ANXA11: variants seen among roughly 807,000 people sequenced by gnomAD.
The protein encoded by ANXA11 is 56 kDa autoantigen.
ANXA11 carries 57 observed loss-of-function variants against 64.7 expected under a neutral mutation model. The ratio of observed to expected loss-of-function variants is 0.88; its 90% confidence interval spans 0.71 to 1.10. ANXA11 has a LOEUF of 1.10. Among genes scored for constraint, ANXA11 ranks in the 50% least tolerant of loss-of-function variants. The pLI is 0.00. For missense variants in ANXA11, 675 were observed against 670.7 expected (o/e 1.01, Z -0.07); for synonymous variants, 260 against 265.2 (o/e 0.98, Z 0.19).
At position 80,168,997 on chromosome 10, in the gene ANXA11, G is replaced by C. The variant is rs1180785675; in HGVS notation, c.533C>G (p.Thr178Ser). 8.4e-6 allele frequency: 13 copies of C among 1,544,610 alleles called. No homozygotes were observed. The highest frequency in any genetic ancestry group is 1.1e-5 in the Non-Finnish European group (13 of 1,151,284). The change falls in exon 5 of 16, where the codon ACT (threonine) becomes AGT (serine). Residue 178 changes from threonine to serine, a missense_variant. By Grantham distance (58) the Thr-to-Ser change is moderately conservative (BLOSUM62 1). Coordinates refer to ENST00000422982, the MANE Select transcript of ANXA11 (RefSeq NM_145868.2). The stretch of plus-strand genomic sequence containing the variant: ...GGTTGGGGGCACAGCGGGGGTGACA[G>C]TCCCAGACCCCGGGTATCCTGGGTA... Reference protein sequence around the residue: ...PSYPGYPGSGTVTPAVPPTQF... With the variant: ...PSYPGYPGSGSVTPAVPPTQF...
At chr10:80,198,865 A>T (rs190957275) in intron 1 of ANXA11, among the ~76,000 whole-genome samples, 22 of 152,312 alleles carry the variant, frequency 1.4e-4, no homozygotes, top group African/African-American at 5.3e-4. Context: ...AACAGCAAAA[A>T]TCAGGAAAGG....
At chr10:80,179,881 T>C (rs1217968273) in intron 1 of ANXA11, among the ~76,000 whole-genome samples, 1 of 152,220 alleles carries the variant, frequency 6.6e-6, no homozygotes, top group Non-Finnish European at 1.5e-5. Context: ...ATAAGCCCTA[T>C]GCCTTGTTCG....
rs1840520551 is a variant in ANXA11, at chr10:80,203,324, CCTT to C, written c.-58+2016_-58+2018del. Among the ~76,000 whole-genome samples, 3 of 152,122 alleles carry C rather than the reference CCTT, an allele frequency of 2.0e-5. No individual in the cohort carries two copies. The South Asian group carries it at 6.2e-4, about 32-fold the overall frequency. ...ACTAGGCATCACTAATCGATCCTGG[CCTT>C]CTAGACACATCCACCCAGGGTGGGC... is the stretch of plus-strand genomic sequence containing the variant. On this transcript the variant is annotated intron_variant, in intron 1 of 15. Coordinates refer to ENST00000422982, the MANE Select transcript of ANXA11 (RefSeq NM_145868.2).
Position 80,169,229 on chromosome 10 carries a change from G to A in ANXA11, c.301C>T (p.Pro101Ser), listed in dbSNP as rs1272897275. Residue 101 changes from proline to serine, a missense_variant, in exon 5 of 16, where the codon CCT (proline) becomes TCT (serine). Pro to Ser is a moderately conservative substitution (Grantham distance 74). Coordinates refer to ENST00000422982, the MANE Select transcript of ANXA11 (RefSeq NM_145868.2). ...GQPPSAQQPV[P>S]PYGMYPPPGG... ...GGGGGTGGATACATCCCATAGGGAG[G>A]AACAGGCTGCTGGGCAGAGGGGGGC... The A allele has an allele frequency of 3.7e-6, 6 of 1,612,108 alleles. No homozygotes were observed. Among genetic ancestry groups the A allele is most frequent in the Middle Eastern group, 1.7e-4 (1 of 5,856 alleles).
chr10:80,203,865 CAGG>C (rs1304796054), intron 1 of ANXA11, among the ~76,000 whole-genome samples: 2 of 152,228 alleles, frequency 1.3e-5, no homozygotes, highest in Non-Finnish European at 2.9e-5. Context: ...AAAGACGGTT[CAGG>C]AGAAGTGCAT....
intron 1 of ANXA11, among the ~76,000 whole-genome samples, chr10:80,192,406 A>G (rs1172858123): frequency 6.6e-6 from 1 of 152,224 alleles, no homozygotes; most frequent in Non-Finnish European, 1.5e-5. Context: ...AAGAAAAGGA[A>G]CCAAAGAAAC....
chr10:80,192,067 A>G (rs1846801325), intron 1 of ANXA11, among the ~76,000 whole-genome samples: 1 of 152,210 alleles, frequency 6.6e-6, no homozygotes, highest in Admixed American at 6.5e-5. Flanking sequence ...TGGCGGACTC[A>G]GGCCCAGTTC....
intron 12 of ANXA11, among the ~76,000 whole-genome samples, chr10:80,159,532 G>A (rs1454657492): frequency 6.6e-6 from 1 of 152,148 alleles, no homozygotes; most frequent in African/African-American, 2.4e-5. Context: ...AACAAAATGA[G>A]TATCTGCTGC....
At position 80,166,154 on chromosome 10, in the gene ANXA11, T is replaced by A. The variant is rs1389856017; in HGVS notation, c.788A>T (p.Glu263Val). The A allele has an allele frequency of 3.0e-5, 49 of 1,613,372 alleles. No individual in the cohort carries two copies. The highest frequency in any genetic ancestry group is 4.1e-5 in the Non-Finnish European group (48 of 1,179,650). Residue 263 changes from glutamate (E) to valine (V), a missense_variant, in exon 8 of 16, where the codon GAG becomes GTG. Coordinates refer to ENST00000422982, the MANE Select transcript of ANXA11 (RefSeq NM_145868.2). ...CTTCATCAGAGCCAAGATTGTCTTC[T>A]CAAAGTTTCCTGACAGTTCAGATTT... ...DLKSELSGNFEKTILALMKTP... is the reference protein window; with the variant it reads ...DLKSELSGNFVKTILALMKTP...
At chr10:80,170,758 G>C in intron 4 of ANXA11, 42 bp downstream of exon 4, 1 of 1,408,808 alleles carries the variant, frequency 7.1e-7, no homozygotes, top group Non-Finnish European at 9.4e-7. Context: ...TGGCCACGCA[G>C]GTGTGGCCCC....
At chr10:80,156,011 A>C in intron 15 of ANXA11, 99 bp from the exon 16 acceptor site, 1 of 1,261,210 alleles carries the variant, frequency 7.9e-7, no homozygotes, top group East Asian at 2.3e-5. Flanking sequence ...TATAGGGAGA[A>C]AGCCCCACCC....
intron 1 of ANXA11, among the ~76,000 whole-genome samples, chr10:80,187,501 C>T (rs1038168939): frequency 4.6e-5 from 7 of 152,176 alleles, no homozygotes; most frequent in South Asian, 4.1e-4. Context: ...GCAGCTTGAA[C>T]GGATTTAGAC....
In ANXA11 at chr10:80,169,147, A is replaced by C. The variant is rs763532696; in HGVS notation, c.383T>G (p.Val128Gly). 1.9e-6 allele frequency: 3 copies of C among 1,558,898 alleles called. No homozygotes were observed. The Admixed American group carries it at 6.1e-5, about 32-fold the overall frequency. The change falls in exon 5 of 16, where the codon GTG becomes GGG. Residue 128 changes from valine to glycine, a missense_variant. Transcript: ENST00000422982. ...PSYPPYPGAP[V>G]PGQPMPPPGQ... ...GGGGGGTGGCATGGGCTGGCCCGGC[A>C]CAGGGGCCCCTGGGTATGGCGGATA...
At position 80,169,354 on chromosome 10, in the gene ANXA11, G is replaced by A. The variant is rs960214482; in HGVS notation, c.176C>T (p.Ala59Val). 1 of 1,604,784 alleles carries A rather than the reference G, an allele frequency of 6.2e-7. No homozygotes were observed. The highest frequency in any genetic ancestry group is 1.3e-5 in the African/African-American group (1 of 74,894). Residue 59 changes from alanine to valine, a missense_variant, in exon 5 of 16, where the codon GCC becomes GTC. By Grantham distance (64) the Ala-to-Val change is moderately conservative (BLOSUM62 0). Coordinates refer to ENST00000422982, the MANE Select transcript of ANXA11 (RefSeq NM_145868.2). ...TCCTCCAAATGTCCCAGACATGTTG[G>A]CCGCCTGCAAGGACACAAAGCAGAG... ...FNQDYLSGMA[A>V]NMSGTFGGAN...
chr10:80,189,157 G>A (rs1039604062), intron 1 of ANXA11, among the ~76,000 whole-genome samples: 3 of 152,232 alleles, frequency 2.0e-5, no homozygotes, highest in African/African-American at 7.2e-5. Flanking sequence ...GCCCAATCCA[G>A]TGAGAAGCGT....
chr10:80,159,702 C>T (rs981908169), intron 12 of ANXA11, among the ~76,000 whole-genome samples: 15 of 152,184 alleles, frequency 9.9e-5, no homozygotes, highest in Admixed American at 3.9e-4. Flanking sequence ...TCAGAGTCTT[C>T]GTCACAAGTT....
intron 1 of ANXA11, among the ~76,000 whole-genome samples, chr10:80,197,026 T>C (rs2132499161): frequency 6.6e-6 from 1 of 152,316 alleles, no homozygotes; most frequent in East Asian, 1.9e-4. Flanking sequence ...TTGGATTACA[T>C]AAGAATCCTA....
intron 12 of ANXA11, 41 bp downstream of exon 12, chr10:80,161,894 C>T (rs1360306149): frequency 2.6e-6 from 4 of 1,523,668 alleles, no homozygotes; most frequent in Non-Finnish European, 3.6e-6. Context: ...CCCTGACTGC[C>T]CTCATCTAAC....
At chr10:80,201,411 A>G (rs1213838251) in intron 1 of ANXA11, among the ~76,000 whole-genome samples, 1 of 151,912 alleles carries the variant, frequency 6.6e-6, no homozygotes, top group Non-Finnish European at 1.5e-5. Context: ...TACAAACACA[A>G]CCTAGACAAA....
Sources: allele counts gnomAD v4.1 joint callset (sites outside exome capture counted in the v4.1 genomes callset), GRCh38; gene constraint gnomAD v4.1.1; transcripts MANE v1.5; gene names NCBI Gene and HGNC (gene_info 2026-07-23, HGNC 2026-07-21).